Variants in CNTN1 observed in about 807,000 individuals in gnomAD.
The protein encoded by CNTN1 is contactin-1.
In CNTN1, 38 loss-of-function variants were observed where a neutral mutation model predicts 126.4. The ratio of observed to expected loss-of-function variants is 0.30; its 90% CI spans 0.23 to 0.39. The LOEUF (loss-of-function observed/expected upper bound fraction) is 0.39. Ranked by LOEUF, CNTN1 falls within the 10% of genes least tolerant of loss-of-function variation. CNTN1 has a pLI of 1.00. For synonymous variants in CNTN1, 413 were observed against 422.6 expected (o/e 0.98, Z 0.28); for missense variants, 1,009 against 1,248.4 (o/e 0.81, Z 2.89).
chr12:40,926,705 T>C (rs1197704844), intron 6 of CNTN1, among the ~76,000 whole-genome samples: 3 of 151,956 alleles, frequency 2.0e-5, no homozygotes, highest in African/African-American at 7.3e-5. Context: ...GCCAGAGTGG[T>C]GGCAGTGGAG....
Position 40,939,427 on chromosome 12 carries a change from G to T in CNTN1, c.1321G>T (p.Ala441Ser), listed in dbSNP as rs1395779601. 6.2e-7 allele frequency: 1 copy of T among 1,613,914 alleles called. No individual in the cohort carries two copies. Among genetic ancestry groups the T allele is most frequent in the Admixed American group, 1.7e-5 (1 of 59,944 alleles). ...GATAATTGAATGCAAACCTAAAGCT[G>T]CACCGAAACCAAAGTTTTCATGGAG... ...RVIIECKPKAAPKPKFSWSKG... is the reference protein window; with the variant it reads ...RVIIECKPKASPKPKFSWSKG... The change falls in exon 12 of 24, where the codon GCA (alanine) becomes TCA (serine). Residue 441 changes from alanine to serine, a missense_variant. Coordinates refer to ENST00000551295, the MANE Select transcript of CNTN1 (RefSeq NM_001843.4).
At chr12:40,843,538 A>C (rs1178433153) in intron 1 of CNTN1, among the ~76,000 whole-genome samples, 1 of 152,144 alleles carries the variant, frequency 6.6e-6, no homozygotes, top group Non-Finnish European at 1.5e-5. Context: ...TGTATTGTAA[A>C]TTGTTGGTTT....
intron 17 of CNTN1, 83 bp from the exon 18 acceptor site, chr12:41,014,145 G>C (rs1948727773): frequency 7.9e-7 from 1 of 1,258,680 alleles, no homozygotes; most frequent in African/African-American, 1.5e-5. Context: ...GGTTTCTGTG[G>C]TGAATAAGAA....
chr12:40,748,517 A>G (rs944033008), intron 1 of CNTN1, among the ~76,000 whole-genome samples: 1 of 152,186 alleles, frequency 6.6e-6, no homozygotes, highest in Non-Finnish European at 1.5e-5. Context: ...CTTATTGTAC[A>G]TATTCTCAGA....
At chr12:40,798,838 C>T in intron 1 of CNTN1, among the ~76,000 whole-genome samples, 1 of 151,842 alleles carries the variant, frequency 6.6e-6, no homozygotes, top group East Asian at 1.9e-4. Context: ...ACAGCAAATC[C>T]CCATGACATA....
At chr12:40,846,193 G>A (rs1942493105) in intron 1 of CNTN1, among the ~76,000 whole-genome samples, 1 of 151,864 alleles carries the variant, frequency 6.6e-6, no homozygotes, top group African/African-American at 2.4e-5. Context: ...TGGGGTGAGG[G>A]TAAAAAAAAA....
At chr12:40,979,819 C>G (rs1947773252) in intron 15 of CNTN1, among the ~76,000 whole-genome samples, 1 of 152,086 alleles carries the variant, frequency 6.6e-6, no homozygotes, top group Middle Eastern at 3.4e-3. Context: ...CAGCACAGTG[C>G]ACTGTTGAAA....
chr12:40,809,553 A>G (rs1940974065), intron 1 of CNTN1, among the ~76,000 whole-genome samples: 1 of 152,214 alleles, frequency 6.6e-6, no homozygotes, highest in Non-Finnish European at 1.5e-5. Context: ...GGCCGGGCAC[A>G]GTGGCTCACG....
At chr12:41,056,047 G>T (rs1189260575) in intron 23 of CNTN1, among the ~76,000 whole-genome samples, 1 of 152,156 alleles carries the variant, frequency 6.6e-6, no homozygotes, top group South Asian at 2.1e-4. Context: ...ATGCCCTTTA[G>T]TCTGGGCCTG....
rs187189027 is a variant in CNTN1, at chr12:40,718,209, G to T, written c.-77+25617G>T. ...TTTTGAGACAGAATCTTGCTCTGTCGCCAGGCTGGAGTGCAATGGCGCAAT... is the reference window on the plus strand; with the variant it reads ...TTTTGAGACAGAATCTTGCTCTGTCTCCAGGCTGGAGTGCAATGGCGCAAT... On this transcript the variant is annotated intron_variant, in intron 1 of 23. Transcript: ENST00000551295. 2.2e-3 allele frequency among the ~76,000 whole-genome samples: 330 copies of T among 152,110 alleles called. 2 individuals carry two copies. The highest frequency in any genetic ancestry group is 7.2e-4 in the Non-Finnish European group (49 of 67,986).
At chr12:40,792,511 T>C (rs995474311) in intron 1 of CNTN1, among the ~76,000 whole-genome samples, 3 of 152,030 alleles carry the variant, frequency 2.0e-5, no homozygotes, top group Admixed American at 6.6e-5. Context: ...ATGAAAAACA[T>C]TCAAGAAGAC....
intron 1 of CNTN1, among the ~76,000 whole-genome samples, chr12:40,710,128 A>G (rs908197234): frequency 6.6e-6 from 1 of 151,998 alleles, no homozygotes; most frequent in African/African-American, 2.4e-5. Context: ...ATTTTATTTG[A>G]CTTTTTTCCC....
chr12:40,731,762 C>A (rs1942505671), intron 1 of CNTN1, among the ~76,000 whole-genome samples: 1 of 151,776 alleles, frequency 6.6e-6, no homozygotes, highest in South Asian at 2.1e-4. Context: ...CACTATTGAC[C>A]ATTTCTAATC....
At chr12:40,886,914 T>A (rs1944054053) in intron 1 of CNTN1, among the ~76,000 whole-genome samples, 1 of 152,208 alleles carries the variant, frequency 6.6e-6, no homozygotes, top group Admixed American at 6.5e-5. Context: ...TCTGTTCTGT[T>A]CCATTGATCT....
chr12:40,785,173 G>A (rs1202463780), intron 1 of CNTN1, among the ~76,000 whole-genome samples: 1 of 152,262 alleles, frequency 6.6e-6, no homozygotes, highest in South Asian at 2.1e-4. Flanking sequence ...TTCTTTTGCT[G>A]TCTGTATTGT....
chr12:40,806,480 G>A (rs888429843), intron 1 of CNTN1, among the ~76,000 whole-genome samples: 7 of 152,208 alleles, frequency 4.6e-5, no homozygotes, highest in African/African-American at 1.7e-4. Context: ...TAAGAAAGGA[G>A]AGTTCAGGGA....
chr12:40,729,583 G>T, intron 1 of CNTN1: 1 of 230,718 alleles, frequency 4.3e-6, no homozygotes, highest in Admixed American at 4.2e-5. Flanking sequence ...ACATATTTCA[G>T]AAGCCTGCCC....
At chr12:41,047,738 A>G (rs1949577246) in intron 23 of CNTN1, among the ~76,000 whole-genome samples, 1 of 151,940 alleles carries the variant, frequency 6.6e-6, no homozygotes, top group Admixed American at 6.6e-5. Context: ...CTAGTGATAC[A>G]ATGTAGGCAT....
intron 23 of CNTN1, among the ~76,000 whole-genome samples, chr12:41,045,809 C>T (rs1949528157): frequency 6.6e-6 from 1 of 152,116 alleles, no homozygotes; most frequent in Non-Finnish European, 1.5e-5. Context: ...TAATTTAGAA[C>T]AATTTCAAGA....
Sources: allele counts gnomAD v4.1 joint callset (sites outside exome capture counted in the v4.1 genomes callset), GRCh38; gene constraint gnomAD v4.1.1; transcripts MANE v1.5; gene names NCBI Gene and HGNC (gene_info 2026-07-23, HGNC 2026-07-21).